Variants in CTNNA3 observed in about 807,000 individuals in gnomAD.
The protein encoded by CTNNA3 is catenin alpha 3.
A neutral mutation model predicts 95.7 loss-of-function variants in CTNNA3; 76 were observed. That is an observed-to-expected ratio of 0.79 (90% CI 0.66 to 0.96). The LOEUF (loss-of-function observed/expected upper bound fraction) is 0.96. CTNNA3 is among the 40% of genes least tolerant of loss of function. The pLI is 0.00. For missense variants in CTNNA3, 1,191 were observed against 1,089.8 expected, an observed-to-expected ratio of 1.09 and a Z score of -1.31; for synonymous variants, 431 against 374.4, an observed-to-expected ratio of 1.15 and a Z score of -1.74.
At chr10:66,106,708 C>A (rs1227042406) in intron 13 of CTNNA3, among the ~76,000 whole-genome samples, 1 of 152,096 alleles carries the variant, frequency 6.6e-6, no homozygotes, top group African/African-American at 2.4e-5. Flanking sequence ...TATACCTCAT[C>A]CCAATATACA....
chr10:66,274,223 C>T (rs112647326), intron 13 of CTNNA3, among the ~76,000 whole-genome samples: 128 of 123,398 alleles, frequency 1.0e-3, no homozygotes, highest in African/African-American at 4.7e-3. Context: ...GGCTGAGTCA[C>T]GTTTCAATAT....
At chr10:67,541,233 A>G (rs1418288373) in intron 3 of CTNNA3, among the ~76,000 whole-genome samples, 1 of 151,924 alleles carries the variant, frequency 6.6e-6, no homozygotes, top group East Asian at 1.9e-4. Context: ...TATTGCCCCA[A>G]AATTCTCCAA....
rs189090794 is a variant in CTNNA3 at position 66,217,272 on chromosome 10, G to A, written c.1884+63198C>T. Among the ~76,000 whole-genome samples, 1,299 of 149,748 alleles carry A rather than the reference G, an allele frequency of 8.7e-3. 8 individuals carry two copies. The highest frequency in any genetic ancestry group is 0.014 in the Non-Finnish European group (953 of 67,778). ...GGGAGGCTGAGGCAGAGAATTGCTT[G>A]AACCCGAGAGGCAGAGGTTGCAGTG... is the stretch of plus-strand genomic sequence containing the variant. On this transcript the variant is annotated intron_variant, in intron 13 of 17. Transcript: ENST00000433211.
At chr10:66,177,617 C>T (rs998833672) in intron 13 of CTNNA3, among the ~76,000 whole-genome samples, 14 of 151,896 alleles carry the variant, frequency 9.2e-5, no homozygotes, top group African/African-American at 3.1e-4. Flanking sequence ...AGAATTTTAC[C>T]GTTCTAATTA....
At chr10:66,873,574 T>C (rs1386256422) in intron 7 of CTNNA3, among the ~76,000 whole-genome samples, 4 of 152,126 alleles carry the variant, frequency 2.6e-5, no homozygotes, top group African/African-American at 7.2e-5. Context: ...ATTTGGTTTT[T>C]GCTTGTTTCA....
chr10:66,219,484 C>T (rs1046487207), intron 13 of CTNNA3, among the ~76,000 whole-genome samples: 8 of 152,054 alleles, frequency 5.3e-5, no homozygotes, highest in South Asian at 2.1e-4. Context: ...TTGTGGCTTC[C>T]GTTTTGTTCC....
intron 7 of CTNNA3, among the ~76,000 whole-genome samples, chr10:66,885,797 T>A (rs1055999103): frequency 6.6e-6 from 1 of 152,148 alleles, no homozygotes; most frequent in African/African-American, 2.4e-5. Context: ...GAAAATAATT[T>A]GAGAAAATTC....
At chr10:66,346,170 G>A (rs1016995559) in intron 12 of CTNNA3, among the ~76,000 whole-genome samples, 9 of 145,622 alleles carry the variant, frequency 6.2e-5, no homozygotes, top group African/African-American at 2.3e-4. Context: ...CCAATTTGTT[G>A]TAATATAGGA....
At chr10:67,498,950 G>A (rs1839136223) in intron 5 of CTNNA3, among the ~76,000 whole-genome samples, 1 of 152,072 alleles carries the variant, frequency 6.6e-6, no homozygotes, top group African/African-American at 2.4e-5. Context: ...TGATTGCCCT[G>A]GCCAGAACTT....
intron 5 of CTNNA3, among the ~76,000 whole-genome samples, chr10:67,407,937 T>G (rs555906391): frequency 6.6e-6 from 1 of 151,874 alleles, no homozygotes; most frequent in South Asian, 2.1e-4. Flanking sequence ...AAATGGGAAA[T>G]CATTCAACAA....
At chr10:66,240,751 A>T (rs889162050) in intron 13 of CTNNA3, among the ~76,000 whole-genome samples, 2 of 152,106 alleles carry the variant, frequency 1.3e-5, no homozygotes, top group African/African-American at 4.8e-5. Flanking sequence ...GAAGAGAGAC[A>T]TCAAGAACCA....
intron 13 of CTNNA3, among the ~76,000 whole-genome samples, chr10:66,147,420 C>A (rs2083944171): frequency 6.6e-6 from 1 of 151,948 alleles, no homozygotes; most frequent in Non-Finnish European, 1.5e-5. Flanking sequence ...GAAGTATAAT[C>A]AAAATGATAT....
At chr10:67,034,485 T>C (rs1853922240) in intron 7 of CTNNA3, among the ~76,000 whole-genome samples, 1 of 152,344 alleles carries the variant, frequency 6.6e-6, no homozygotes, top group South Asian at 2.1e-4. Context: ...CTCTCTAGTG[T>C]CTTAGGCTCT....
intron 1 of CTNNA3, among the ~76,000 whole-genome samples, chr10:67,724,495 C>T (rs920059187): frequency 1.3e-5 from 2 of 152,132 alleles, no homozygotes; most frequent in Admixed American, 6.5e-5. Flanking sequence ...ACTACAATTT[C>T]GGGTTTCCCC....
intron 5 of CTNNA3, among the ~76,000 whole-genome samples, chr10:67,324,714 T>C (rs1841470929): frequency 6.6e-6 from 1 of 151,762 alleles, no homozygotes; most frequent in Admixed American, 6.6e-5. Flanking sequence ...TTTTTTTTTT[T>C]GTCTTGCCAG....
At chr10:66,217,946 C>T (rs1323326716) in intron 13 of CTNNA3, among the ~76,000 whole-genome samples, 1 of 149,388 alleles carries the variant, frequency 6.7e-6, no homozygotes, top group African/African-American at 2.5e-5. Flanking sequence ...CTGAATAATG[C>T]CCACCTGCGC....
chr10:66,816,163 C>T (rs928315078), intron 7 of CTNNA3, among the ~76,000 whole-genome samples: 5 of 151,836 alleles, frequency 3.3e-5, no homozygotes, highest in Admixed American at 1.3e-4. Flanking sequence ...ATTGTAATTT[C>T]CAAGGCAACC....
intron 5 of CTNNA3, among the ~76,000 whole-genome samples, chr10:67,497,751 A>G (rs756288809): frequency 5.3e-5 from 8 of 152,144 alleles, no homozygotes; most frequent in Non-Finnish European, 7.4e-5. Context: ...ATATCTGTTC[A>G]TATCCTTCAC....
chr10:67,763,565 G>T (rs1294194483), exon 1 of CTNNA3, among the ~76,000 whole-genome samples: 4 of 152,176 alleles, frequency 2.6e-5, no homozygotes, highest in African/African-American at 9.7e-5. Context: ...ACTAGTAAAA[G>T]GCCTTCTGTT....
Sources: gnomAD v4.1 joint callset for allele counts (sites outside exome capture counted in the v4.1 genomes callset) on GRCh38, gnomAD v4.1.1 for gene constraint, MANE v1.5 for transcripts, NCBI Gene and HGNC (gene_info 2026-07-23, HGNC 2026-07-21) for gene names.